EVC2: variants seen among roughly 807,000 people sequenced by gnomAD.
EVC2 encodes the protein limbin.
EVC2 carries 148 observed loss-of-function variants against 149.3 expected under a neutral mutation model. That is an observed-to-expected ratio of 0.99 (90% CI 0.87 to 1.14). The LOEUF (loss-of-function observed/expected upper bound fraction) is 1.14. Among genes scored for constraint, EVC2 ranks in the 50% most tolerant of loss-of-function variants. EVC2 has a pLI of 0.00. For missense variants in EVC2, 1,854 were observed against 1,627.3 expected, an observed-to-expected ratio of 1.14 and a Z score of -2.40; for synonymous variants, 776 against 649.9, an observed-to-expected ratio of 1.19 and a Z score of -2.95.
Position 5,569,518 on chromosome 4 carries a change from A to G in EVC2, c.3361-878T>C, listed in dbSNP as rs896020063. Among the ~76,000 whole-genome samples, 1 of 152,170 alleles carries G rather than the reference A, an allele frequency of 6.6e-6. No homozygotes were observed. The highest frequency in any genetic ancestry group is 2.4e-5 in the African/African-American group (1 of 41,454). On this transcript the variant is annotated intron_variant, in intron 19 of 21. Coordinates refer to ENST00000344408, the MANE Select transcript of EVC2 (RefSeq NM_147127.5). The surrounding 1 kb of genome is among the most constrained non-coding windows in gnomAD (Gnocchi z 4.8). ...TCAAAATTAAAAATTTTGGCCAGGC[A>G]TGGGGGCTCACATCTGTAATCCCAG...
intron 16 of EVC2, among the ~76,000 whole-genome samples, chr4:5,607,393 A>G (rs1427614367): frequency 6.6e-6 from 1 of 152,226 alleles, no homozygotes; most frequent in Non-Finnish European, 1.5e-5. Flanking sequence ...TTTATTCAGA[A>G]ACTTGATTAA....
At chr4:5,541,255 G>A (rs1365117874), downstream of EVC2, among the ~76,000 whole-genome samples, 1 of 152,122 alleles carries the variant, frequency 6.6e-6, no homozygotes, top group Non-Finnish European at 1.5e-5. Flanking sequence ...TCTAGGCACT[G>A]GGGATACAGC....
chr4:5,631,734 C>T, intron 11 of EVC2, 59 bp downstream of exon 11: 1 of 1,604,278 alleles, frequency 6.2e-7, no homozygotes, highest in Non-Finnish European at 8.5e-7. Context: ...AGAGAGGAGA[C>T]ATTTACTGAA....
chr4:5,613,603 G>A lies in EVC2; in HGVS notation c.2829+1819C>T, dbSNP rs977621041. 6.6e-6 allele frequency among the ~76,000 whole-genome samples: 1 copy of A among 152,208 alleles called. No homozygotes were observed. The highest frequency in any genetic ancestry group is 3.4e-3 in the Middle Eastern group (1 of 294). On this transcript the variant is annotated intron_variant, in intron 16 of 21. Transcript: ENST00000344408. The surrounding 1 kb of genome is among the most constrained non-coding windows in gnomAD (Gnocchi z 4.6). ...GCTTCTCTTTGGGACCCCAACTTCT[G>A]CTCTGCTTCCCTAGGGGTAGGCTGC...
chr4:5,533,549 G>C, the EVC2 span, among the ~76,000 whole-genome samples: 11 of 152,328 alleles, frequency 7.2e-5, no homozygotes, highest in South Asian at 2.3e-3. Flanking sequence ...GACATGGTCT[G>C]GTTTCCATGT....
At chr4:5,655,867 G>A (rs78737139) in intron 9 of EVC2, among the ~76,000 whole-genome samples, 13,742 of 152,010 alleles carry the variant, frequency 0.09, 710 homozygotes, top group East Asian at 0.13. Context: ...TATGGGCCTC[G>A]TAAAACTGAC....
At position 5,640,510 on chromosome 4, in the gene EVC2, T is replaced by C; in HGVS notation, c.1470+4A>G. 1.2e-6 allele frequency: 2 copies of C among 1,614,124 alleles called. No individual in the cohort carries two copies. Among genetic ancestry groups the C allele is most frequent in the Non-Finnish European group, 1.7e-6 (2 of 1,180,018 alleles). The stretch of plus-strand genomic sequence containing the variant: ...TGAACGCCTTCCTTTCAGACCTGTC[T>C]TACCCTCTCACCAGCACGTTTCAGC... On this transcript the variant is annotated splice_donor_region_variant and intron_variant, in intron 10 of 21. Coordinates refer to ENST00000344408, the MANE Select transcript of EVC2 (RefSeq NM_147127.5). The surrounding 1 kb of genome is among the most constrained non-coding windows in gnomAD (Gnocchi z 4.6).
At chr4:5,609,098 C>T (rs998961651) in intron 16 of EVC2, among the ~76,000 whole-genome samples, 1 of 152,160 alleles carries the variant, frequency 6.6e-6, no homozygotes, top group Non-Finnish European at 1.5e-5. Context: ...ACCAGGTTTG[C>T]GGGTTCTGTA....
At chr4:5,582,303 G>C (rs1020138443) in intron 17 of EVC2, among the ~76,000 whole-genome samples, 2 of 152,234 alleles carry the variant, frequency 1.3e-5, no homozygotes, top group African/African-American at 4.8e-5. Flanking sequence ...CACAGGGGCT[G>C]AGCTGCCCAA....
the EVC2 span, among the ~76,000 whole-genome samples, chr4:5,536,612 G>A: frequency 1.9e-4 from 29 of 152,100 alleles, no homozygotes; most frequent in East Asian, 3.9e-4. Flanking sequence ...GTGAAACCCC[G>A]TTTCTACTAA....
chr4:5,661,440 C>A (rs1346014044), intron 9 of EVC2, among the ~76,000 whole-genome samples: 1 of 151,988 alleles, frequency 6.6e-6, no homozygotes, highest in Non-Finnish European at 1.5e-5. Flanking sequence ...AGCACATAAT[C>A]AAAAATACAC....
chr4:5,590,384 G>C (rs1213443049), intron 16 of EVC2, among the ~76,000 whole-genome samples: 1 of 152,136 alleles, frequency 6.6e-6, no homozygotes, highest in African/African-American at 2.4e-5. Flanking sequence ...TGGCCAAGGA[G>C]ACCCCAGAAA....
At chr4:5,706,321 C>CTTAGATAGATAG (rs1722132097) in intron 1 of EVC2, among the ~76,000 whole-genome samples, 2 of 26,508 alleles carry the variant, frequency 7.5e-5, no homozygotes, top group African/African-American at 3.2e-4. Flanking sequence ...TAGATAGATA[C>CTTAGATAGATAG]ATAGATAGAT....
At chr4:5,673,917 G>A (rs1001842709) in intron 7 of EVC2, among the ~76,000 whole-genome samples, 12 of 152,326 alleles carry the variant, frequency 7.9e-5, no homozygotes, top group African/African-American at 2.2e-4. Context: ...TTTTCTGCAC[G>A]TGGAGGGTGG....
intron 16 of EVC2, among the ~76,000 whole-genome samples, chr4:5,597,425 A>G (rs1345429693): frequency 1.3e-5 from 2 of 152,130 alleles, no homozygotes; most frequent in African/African-American, 4.8e-5. Context: ...ATGCAAATCA[A>G]TAAATGTAAT....
chr4:5,605,965 A>AC (rs1714365262), intron 16 of EVC2, among the ~76,000 whole-genome samples: 1 of 152,190 alleles, frequency 6.6e-6, no homozygotes, highest in African/African-American at 2.4e-5. Flanking sequence ...TCCTGACGGG[A>AC]CTGCTGTAAC....
At chr4:5,561,002 T>C (rs374944900), downstream of EVC2, among the ~76,000 whole-genome samples, 2 of 152,326 alleles carry the variant, frequency 1.3e-5, no homozygotes, top group South Asian at 4.1e-4. Context: ...GGAGTTATTA[T>C]TAGGTTCAAA....
At chr4:5,560,938 G>C (rs182048122), downstream of EVC2, among the ~76,000 whole-genome samples, 1 of 152,162 alleles carries the variant, frequency 6.6e-6, no homozygotes, top group Non-Finnish European at 1.5e-5. This position sits in a 1 kb window ranked among gnomAD's most constrained non-coding sequence, Gnocchi z 4.1. Context: ...TTTTTGTGCA[G>C]TGAGTTTACA....
intron 16 of EVC2, among the ~76,000 whole-genome samples, chr4:5,606,009 C>T (rs1277037692): frequency 1.3e-5 from 2 of 152,206 alleles, no homozygotes; most frequent in Non-Finnish European, 2.9e-5. Context: ...AAGGAAAGGA[C>T]TAGGTCAAAC....
Sources: gnomAD v4.1 joint callset for allele counts (sites outside exome capture counted in the v4.1 genomes callset) on GRCh38, gnomAD v4.1.1 for gene constraint, Gnocchi (gnomAD v3.1) non-coding constraint, MANE v1.5 for transcripts, NCBI Gene and HGNC (gene_info 2026-07-23, HGNC 2026-07-21) for gene names.